Variants in VWA8 observed in about 807,000 individuals in gnomAD.
The protein encoded by VWA8 is von Willebrand factor A domain-containing protein 8.
A neutral mutation model predicts 241.5 loss-of-function variants in VWA8; 221 were observed. The ratio of observed to expected loss-of-function variants is 0.91; its 90% CI spans 0.82 to 1.02. The LOEUF is 1.02. VWA8 is among the 50% of genes least tolerant of loss of function. The probability of loss-of-function intolerance (pLI) is 0.00; values close to 1 mark genes in which losing one functional copy is unlikely to be tolerated. For missense variants in VWA8, 2,322 were observed against 2,328.7 expected (o/e 1.00, Z 0.06); for synonymous variants, 852 against 827.1 (o/e 1.03, Z -0.52).
At chr13:41,627,871 C>A (rs1171827838) in intron 37 of VWA8, among the ~76,000 whole-genome samples, 2 of 152,166 alleles carry the variant, frequency 1.3e-5, no homozygotes, top group Non-Finnish European at 2.9e-5. Context: ...GGTCCCTCTC[C>A]TTCCCATAAA....
At chr13:41,730,796 G>T (rs2026890) in intron 22 of VWA8, among the ~76,000 whole-genome samples, 39,108 of 151,674 alleles carry the variant, frequency 0.26, 5,899 homozygotes, top group Non-Finnish European at 0.33. Flanking sequence ...TCATAGGATG[G>T]TATATTTTAA....
At chr13:41,727,410 C>A in intron 23 of VWA8, 97 bp from the exon 24 acceptor site, 1 of 1,001,378 alleles carries the variant, frequency 1.0e-6, no homozygotes, top group Non-Finnish European at 1.4e-6. Flanking sequence ...TTATACTGTT[C>A]AATTGTAAAA....
chr13:41,611,058 C>T (rs933880973), intron 39 of VWA8, among the ~76,000 whole-genome samples: 1 of 152,168 alleles, frequency 6.6e-6, no homozygotes, highest in African/African-American at 2.4e-5. Flanking sequence ...TGCCTCTGCT[C>T]ATTTAGTTTT....
At chr13:41,823,400 G>A (rs1871045495) in intron 14 of VWA8, among the ~76,000 whole-genome samples, 1 of 152,032 alleles carries the variant, frequency 6.6e-6, no homozygotes, top group Admixed American at 6.6e-5. Flanking sequence ...TCTAAGACTA[G>A]GCCACTAATC....
intron 3 of VWA8, among the ~76,000 whole-genome samples, chr13:41,909,335 T>C (rs539117988): frequency 1.3e-5 from 2 of 152,290 alleles, no homozygotes; most frequent in South Asian, 2.1e-4. Context: ...GTTGGGATCA[T>C]AGGCATGAGC....
chr13:41,813,818 T>C (rs1302825762), intron 16 of VWA8, among the ~76,000 whole-genome samples: 3 of 152,188 alleles, frequency 2.0e-5, no homozygotes, highest in Admixed American at 6.6e-5. Context: ...ATTGAGAGTA[T>C]ACTTTAAAAA....
At chr13:41,744,226 TA>T (rs1167625755) in intron 21 of VWA8, among the ~76,000 whole-genome samples, 1 of 152,228 alleles carries the variant, frequency 6.6e-6, no homozygotes, top group Non-Finnish European at 1.5e-5. Context: ...TTCACTTCCT[TA>T]CAGATTTCAC....
At chr13:41,689,807 T>C (rs1362009060) in intron 33 of VWA8, among the ~76,000 whole-genome samples, 1 of 152,076 alleles carries the variant, frequency 6.6e-6, no homozygotes, top group Non-Finnish European at 1.5e-5. Flanking sequence ...GGCAATGGTA[T>C]GTTTTAGATT....
intron 16 of VWA8, among the ~76,000 whole-genome samples, chr13:41,811,872 T>G (rs1870487804): frequency 6.6e-6 from 1 of 152,192 alleles, no homozygotes; most frequent in South Asian, 2.1e-4. Context: ...TACTTTCACT[T>G]TGCTATATTA....
chr13:41,918,785 C>A (rs114245054), intron 2 of VWA8, among the ~76,000 whole-genome samples: 1,583 of 152,052 alleles, frequency 0.01, 30 homozygotes, highest in African/African-American at 0.037. Context: ...ATAGTATATA[C>A]AGTACATACT....
chr13:41,755,588 C>A (rs1333047398), intron 21 of VWA8, among the ~76,000 whole-genome samples: 1 of 151,766 alleles, frequency 6.6e-6, no homozygotes, highest in Non-Finnish European at 1.5e-5. Context: ...GAATATAAAT[C>A]AGCAGCATGC....
At chr13:41,934,584 T>G (rs907022633) in intron 2 of VWA8, among the ~76,000 whole-genome samples, 1 of 152,092 alleles carries the variant, frequency 6.6e-6, no homozygotes, top group East Asian at 1.9e-4. Context: ...TTGTAATATA[T>G]CCATACAATG....
At chr13:41,581,409 A>G (rs1443128678) in intron 42 of VWA8, among the ~76,000 whole-genome samples, 1 of 152,164 alleles carries the variant, frequency 6.6e-6, no homozygotes, top group African/African-American at 2.4e-5. Flanking sequence ...CCCTAACACA[A>G]TGGCTTTCTA....
intron 37 of VWA8, among the ~76,000 whole-genome samples, chr13:41,633,482 T>A (rs1236775150): frequency 1.3e-5 from 2 of 152,216 alleles, no homozygotes; most frequent in African/African-American, 4.8e-5. Flanking sequence ...GGAAGCCTGA[T>A]AACTGCTCTC....
At chr13:41,602,112 C>A (rs567785395) in intron 40 of VWA8, among the ~76,000 whole-genome samples, 1 of 152,026 alleles carries the variant, frequency 6.6e-6, no homozygotes, top group Admixed American at 6.6e-5. Flanking sequence ...CGTGTCCATG[C>A]TTGGTGAGTA....
intron 37 of VWA8, among the ~76,000 whole-genome samples, chr13:41,663,639 AT>A (rs1312434992): frequency 6.6e-6 from 1 of 151,712 alleles, no homozygotes; most frequent in East Asian, 1.9e-4. Context: ...GGTAAGGATT[AT>A]TTTTCCTCTC....
At chr13:41,639,246 G>A (rs1486980672) in intron 37 of VWA8, among the ~76,000 whole-genome samples, 1 of 151,744 alleles carries the variant, frequency 6.6e-6, no homozygotes, top group East Asian at 1.9e-4. Context: ...CATCTATTTG[G>A]AAATTATTAA....
At chr13:41,853,963 C>T (rs897120748) in intron 12 of VWA8, among the ~76,000 whole-genome samples, 6 of 151,886 alleles carry the variant, frequency 4.0e-5, no homozygotes, top group African/African-American at 1.5e-4. Flanking sequence ...TCATCAATTC[C>T]AAGATATACA....
chr13:41,660,619 C>G (rs777941286), intron 37 of VWA8, among the ~76,000 whole-genome samples: 17 of 152,146 alleles, frequency 1.1e-4, no homozygotes, highest in Non-Finnish European at 1.9e-4. Context: ...ACTACACAGC[C>G]TTAACGTTGT....
Sources: gnomAD v4.1 joint callset for allele counts (sites outside exome capture counted in the v4.1 genomes callset) on GRCh38, gnomAD v4.1.1 for gene constraint, MANE v1.5 for transcripts, NCBI Gene and HGNC (gene_info 2026-07-23, HGNC 2026-07-21) for gene names.